Variants in UPB1 observed in about 807,000 individuals in gnomAD.
UPB1 encodes beta-ureidopropionase 1.
In UPB1, 40 loss-of-function variants were observed where a neutral mutation model predicts 49.1. The ratio of observed to expected loss-of-function variants is 0.81; its 90% confidence interval spans 0.63 to 1.06. The LOEUF is 1.06. Among genes scored for constraint, UPB1 ranks in the 50% least tolerant of loss-of-function variants. UPB1 has a pLI of 0.00. For synonymous variants in UPB1, 207 were observed against 198.2 expected, an observed-to-expected ratio of 1.04 and a Z score of -0.38; for missense variants, 499 against 505.9, an observed-to-expected ratio of 0.99 and a Z score of 0.13.
chr22:24,502,298 C>T, intron 3 of UPB1, 85 bp downstream of exon 3: 1 of 1,392,098 alleles, frequency 7.2e-7, no homozygotes, highest in Non-Finnish European at 1.0e-6. Context: ...TGCTGCCTGA[C>T]TTTTAAAGAA....
chr22:24,523,869 G>A (rs2147044478), intron 9 of UPB1, 96 bp downstream of exon 9: 3 of 1,576,022 alleles, frequency 1.9e-6, no homozygotes, highest in East Asian at 4.5e-5. Flanking sequence ...ATGGCAGCAT[G>A]AGGTACCAGC....
chr22:24,515,088 C>A, intron 5 of UPB1, 113 bp from the exon 6 acceptor site: 2 of 1,338,074 alleles, frequency 1.5e-6, no homozygotes, highest in African/African-American at 1.4e-5. Context: ...AACTTAGAGT[C>A]ACACTCAGGA....
rs930522456 is a variant in UPB1, at chr22:24,513,408, G to A, written c.544G>A (p.Val182Met). The A allele has an allele frequency of 4.3e-6, 7 of 1,614,066 alleles. No homozygotes were observed. Among genetic ancestry groups the A allele is most frequent in the African/African-American group, 1.3e-5 (1 of 74,906 alleles). Residue 182 changes from valine to methionine, a missense_variant, in exon 5 of 10, where the codon GTG (valine) becomes ATG (methionine). By Grantham distance (21) the Val-to-Met change is conservative. Coordinates refer to ENST00000326010, the MANE Select transcript of UPB1 (RefSeq NM_016327.3). ...TGGGGATGTTTTGTGGAATACAGCC[G>A]TGGTGATCTCCAATTCCGGAGCAGT... ...EHGDVLWNTA[V>M]VISNSGAVLG...
intron 9 of UPB1, among the ~76,000 whole-genome samples, chr22:24,525,436 G>A (rs1030342222): frequency 7.9e-5 from 12 of 152,154 alleles, no homozygotes; most frequent in African/African-American, 2.2e-4. Flanking sequence ...ACAGGACCAC[G>A]GGACTCCCCT....
chr22:24,519,389 C>T (rs1157504385), intron 6 of UPB1, among the ~76,000 whole-genome samples: 3 of 152,172 alleles, frequency 2.0e-5, no homozygotes, highest in Non-Finnish European at 4.4e-5. Context: ...TGTCAATCCA[C>T]AGTCTTAAAG....
At chr22:24,520,110 C>T (rs2044361405) in intron 6 of UPB1, 2 of 521,132 alleles carry the variant, frequency 3.8e-6, no homozygotes, top group South Asian at 2.0e-5. Context: ...TGACAGAGCA[C>T]AGCCACGTGG....
At chr22:24,514,031 G>T (rs1045323818) in intron 5 of UPB1, among the ~76,000 whole-genome samples, 2 of 151,762 alleles carry the variant, frequency 1.3e-5, no homozygotes, top group Admixed American at 6.6e-5. Flanking sequence ...GGCATAAGTT[G>T]GGGGGGCCAT....
chr22:24,513,666 C>T (rs912102636), intron 5 of UPB1, among the ~76,000 whole-genome samples, 181 bp downstream of exon 5: 1 of 152,182 alleles, frequency 6.6e-6, no homozygotes, highest in Non-Finnish European at 1.5e-5. Flanking sequence ...CCCTATATCA[C>T]ACAGGCAGAC....
intron 1 of UPB1, among the ~76,000 whole-genome samples, chr22:24,496,517 A>G (rs1601471511): frequency 6.6e-6 from 1 of 152,076 alleles, no homozygotes; most frequent in African/African-American, 2.4e-5. Flanking sequence ...CCTTTTTCCA[A>G]ATAAAATCAC....
chr22:24,508,191 C>A (rs2044126814), intron 3 of UPB1, among the ~76,000 whole-genome samples: 1 of 152,210 alleles, frequency 6.6e-6, no homozygotes, highest in Non-Finnish European at 1.5e-5. Flanking sequence ...TGCACACCCC[C>A]CTCAAGTTAG....
chr22:24,511,416 A>C (rs2044199441), intron 4 of UPB1, among the ~76,000 whole-genome samples: 1 of 151,956 alleles, frequency 6.6e-6, no homozygotes, highest in South Asian at 2.1e-4. Context: ...ATGGATACAA[A>C]GTTTCCGTTT....
rs950967646 is a variant in UPB1 at position 24,525,782 on chromosome 22, C to T, written c.1143C>T (p.Ile381=). 7.4e-6 allele frequency: 12 copies of T among 1,614,098 alleles called. No individual in the cohort carries two copies. In the African/African-American group the frequency reaches 1.5e-4, roughly 20 times the overall value. Residue 381 remains isoleucine (I), a synonymous_variant, in exon 10 of 10, where the codon ATC becomes ATT. Coordinates refer to ENST00000326010, the MANE Select transcript of UPB1 (RefSeq NM_016327.3). ...TCAAGTCCAACTACAGCCCCACCAT[C>T]GTGAAAGAGTAGCCGGCTTCAGTGC... The part of the protein sequence containing the change: ...EAVKSNYSPT[I]VKE
In UPB1 at chr22:24,520,826, T is replaced by G. The variant is rs77018030; in HGVS notation, c.873+358T>G. The stretch of plus-strand genomic sequence containing the variant: ...ATAGCAAACTCTAATCAGAAGATCT[T>G]TTCAGTCTGAGATAACCAAGGTTTC... On this transcript the variant is annotated intron_variant, in intron 7 of 9. Transcript: ENST00000326010. Among the ~76,000 whole-genome samples the G allele has an allele frequency of 9.7e-3, 1,476 of 152,284 alleles. 19 individuals carry two copies. Among genetic ancestry groups the G allele is most frequent in the African/African-American group, 0.033 (1,361 of 41,548 alleles).
At chr22:24,523,323 A>G (rs555059885) in intron 8 of UPB1, among the ~76,000 whole-genome samples, 18 of 152,306 alleles carry the variant, frequency 1.2e-4, no homozygotes, top group Non-Finnish European at 2.1e-4. Flanking sequence ...AAGCCCCCAG[A>G]GTGTGACTTT....
At chr22:24,522,362 C>G (rs1047013970) in intron 8 of UPB1, among the ~76,000 whole-genome samples, 3 of 152,160 alleles carry the variant, frequency 2.0e-5, no homozygotes, top group African/African-American at 2.4e-5. Context: ...TCTCCCTTTC[C>G]ACTTTCCTTT....
At chr22:24,502,669 A>G in intron 3 of UPB1, 2 of 618,436 alleles carry the variant, frequency 3.2e-6, no homozygotes, top group East Asian at 5.3e-5. Context: ...TGGGTGTACA[A>G]GGTCTGTTAC....
chr22:24,516,407 CCT>C (rs2044294346), intron 6 of UPB1: 1 of 152,280 alleles, frequency 6.6e-6, no homozygotes, highest in African/African-American at 2.4e-5. Flanking sequence ...GCTGCTGCTG[CCT>C]CTCTCTTCCA....
intron 6 of UPB1, chr22:24,518,158 G>GA (rs113023158): frequency 1.6e-3 from 238 of 147,510 alleles, no homozygotes; most frequent in East Asian, 0.013. Flanking sequence ...GAACAAGACA[G>GA]AAAAAAAAAA....
At chr22:24,498,961 C>T (rs548803993) in intron 1 of UPB1, among the ~76,000 whole-genome samples, 2 of 152,306 alleles carry the variant, frequency 1.3e-5, no homozygotes, top group African/African-American at 4.8e-5. Context: ...GAGGCTGTGG[C>T]CTGCAGGAGC....
Sources: gnomAD v4.1 joint callset for allele counts (sites outside exome capture counted in the v4.1 genomes callset) on GRCh38, gnomAD v4.1.1 for gene constraint, MANE v1.5 for transcripts, NCBI Gene and HGNC (gene_info 2026-07-23, HGNC 2026-07-21) for gene names.